LRP1B: variants seen among roughly 807,000 people sequenced by gnomAD.
LRP1B encodes low-density lipoprotein receptor-related protein 1B.
LRP1B carries 217 observed loss-of-function variants against 556.6 expected under a neutral mutation model. That is an observed-to-expected ratio of 0.39 (90% CI 0.35 to 0.44). The LOEUF (loss-of-function observed/expected upper bound fraction) is 0.44, where lower values mean the gene tolerates loss of function less well. Among genes scored for constraint, LRP1B ranks in the 20% least tolerant of loss-of-function variants. The pLI, the probability that LRP1B is intolerant of heterozygous loss-of-function variation, is 1.00. For missense variants in LRP1B, 5,053 were observed against 5,620.8 expected, an observed-to-expected ratio of 0.90 and a Z score of 3.23; for synonymous variants, 2,047 against 1,865.8, an observed-to-expected ratio of 1.10 and a Z score of -2.50.
In LRP1B at chr2:140,700,410, C is replaced by T. The variant is rs143179717; in HGVS notation, c.6639G>A (p.Arg2213=). ...TGAAATAACGTGGATTCTCATATGG[C>T]CTTATTGGGGAATTTAAATTGGTTT... The part of the protein sequence containing the change: ...SDETNLNSPI[R]PYENPRYFKN... The change falls in exon 41 of 91, where the codon AGG becomes AGA. Residue 2213 remains arginine, a synonymous_variant. Coordinates refer to ENST00000389484, the MANE Select transcript of LRP1B (RefSeq NM_018557.3). 4.4e-4 allele frequency: 716 copies of T among 1,613,212 alleles called. No individual in the cohort carries two copies. The highest frequency in any genetic ancestry group is 5.8e-4 in the Non-Finnish European group (685 of 1,179,580).
At chr2:141,141,519 A>C (rs1257129578) in intron 7 of LRP1B, among the ~76,000 whole-genome samples, 1 of 152,190 alleles carries the variant, frequency 6.6e-6, no homozygotes, top group Non-Finnish European at 1.5e-5. Context: ...CACTTACTTT[A>C]CTGACAAGAT....
chr2:141,655,947 C>T (rs1180552864), intron 2 of LRP1B, among the ~76,000 whole-genome samples: 1 of 152,060 alleles, frequency 6.6e-6, no homozygotes, highest in Non-Finnish European at 1.5e-5. Context: ...TGAAACACTT[C>T]CATGGAACTT....
chr2:140,982,075 T>C, intron 18 of LRP1B, 85 bp downstream of exon 18: 2 of 1,074,970 alleles, frequency 1.9e-6, no homozygotes, highest in Non-Finnish European at 2.8e-6. Flanking sequence ...CATAAAGAAA[T>C]AAATAGCCCT....
intron 41 of LRP1B, among the ~76,000 whole-genome samples, chr2:140,675,378 T>C (rs1297200876): frequency 6.6e-6 from 1 of 152,210 alleles, no homozygotes; most frequent in Non-Finnish European, 1.5e-5. Context: ...GCATTTTAAG[T>C]TAATTTATGC....
At chr2:140,523,299 A>G (rs1690262929) in intron 49 of LRP1B, among the ~76,000 whole-genome samples, 1 of 151,964 alleles carries the variant, frequency 6.6e-6, no homozygotes, top group African/African-American at 2.4e-5. Context: ...AACCCATGTG[A>G]TCATCTCAAT....
intron 1 of LRP1B, among the ~76,000 whole-genome samples, chr2:141,996,720 C>T (rs1702502427): frequency 6.7e-6 from 1 of 149,942 alleles, no homozygotes; most frequent in Non-Finnish European, 1.5e-5. Flanking sequence ...CTTTCCCCCC[C>T]CCTACAAACT....
chr2:140,623,956 G>GTGTATATATATATATATA (rs1339496296), intron 41 of LRP1B, among the ~76,000 whole-genome samples: 41 of 106,432 alleles, frequency 3.9e-4, no homozygotes, highest in African/African-American at 9.2e-4. Context: ...TTTTATTTAT[G>GTGTATATATATATATATA]TATATATATA....
chr2:140,841,107 AGAG>A lies in LRP1B; in HGVS notation c.4940-18_4940-16del. ...ACTCTGAATATCTATAAAACAGGAA[AGAG>A]AAGATTTAAAGGTGAATGAAGTTTT... On this transcript the variant is annotated splice_polypyrimidine_tract_variant and intron_variant, in intron 29 of 90. Coordinates refer to ENST00000389484, the MANE Select transcript of LRP1B (RefSeq NM_018557.3). 1 of 1,572,340 alleles carries A rather than the reference AGAG, an allele frequency of 6.4e-7. No homozygotes were observed. The highest frequency in any genetic ancestry group is 8.7e-7 in the Non-Finnish European group (1 of 1,154,748).
intron 20 of LRP1B, among the ~76,000 whole-genome samples, chr2:140,948,474 C>T (rs934893029): frequency 1.3e-5 from 2 of 151,956 alleles, no homozygotes; most frequent in Non-Finnish European, 2.9e-5. Context: ...GAAATGGACA[C>T]AATAATGAGC....
rs548285419 is a variant in LRP1B at position 141,259,503 on chromosome 2, C to A, written c.344-4862G>T. On this transcript the variant is annotated intron_variant, in intron 3 of 90. Transcript: ENST00000389484. The stretch of plus-strand genomic sequence containing the variant: ...CCACTCCTTGACCTGATGCTTACAG[C>A]ATCCTGACAATCTTCTCCTCTCTGT... Among the ~76,000 whole-genome samples the A allele has an allele frequency of 2.0e-5, 3 of 152,294 alleles. No individual in the cohort carries two copies. The South Asian group carries it at 6.2e-4, about 32-fold the overall frequency.
At chr2:140,316,992 A>C (rs1329069094) in intron 82 of LRP1B, among the ~76,000 whole-genome samples, 1 of 152,090 alleles carries the variant, frequency 6.6e-6, no homozygotes, top group Non-Finnish European at 1.5e-5. Context: ...CCGAGTGCCC[A>C]GAAGGTTTAC....
intron 86 of LRP1B, among the ~76,000 whole-genome samples, chr2:140,270,009 T>C (rs780974224): frequency 6.6e-6 from 1 of 151,966 alleles, no homozygotes. Context: ...GGTCTATGCA[T>C]GTCTGAAATG....
intron 7 of LRP1B, among the ~76,000 whole-genome samples, chr2:141,076,169 A>G (rs576732362): frequency 1.4e-4 from 22 of 152,280 alleles, no homozygotes; most frequent in African/African-American, 5.3e-4. Context: ...ATCAACCTCA[A>G]GTTAAGTGTT....
intron 43 of LRP1B, among the ~76,000 whole-genome samples, chr2:140,563,323 C>T (rs1681004346): frequency 1.3e-5 from 2 of 152,030 alleles, no homozygotes; most frequent in South Asian, 2.1e-4. Context: ...CTGAATAGTG[C>T]CATGAAATAA....
intron 2 of LRP1B, among the ~76,000 whole-genome samples, chr2:141,721,939 A>AACCCC (rs1692831734): frequency 6.6e-6 from 1 of 152,184 alleles, no homozygotes; most frequent in African/African-American, 2.4e-5. Context: ...AGTAGGTTAA[A>AACCCC]ACCCCATAGA....
At chr2:141,715,631 A>T (rs1305428326) in intron 2 of LRP1B, among the ~76,000 whole-genome samples, 2 of 152,082 alleles carry the variant, frequency 1.3e-5, no homozygotes, top group African/African-American at 4.8e-5. Flanking sequence ...CCTGACCAAC[A>T]TGGTGAAACC....
chr2:141,329,454 C>T (rs1194509355), intron 3 of LRP1B, among the ~76,000 whole-genome samples: 1 of 150,578 alleles, frequency 6.6e-6, no homozygotes, highest in African/African-American at 2.4e-5. Flanking sequence ...ACCATCCTGG[C>T]CAACACAGTG....
At chr2:141,526,694 T>A (rs1467953789) in intron 2 of LRP1B, among the ~76,000 whole-genome samples, 1 of 152,042 alleles carries the variant, frequency 6.6e-6, no homozygotes, top group Non-Finnish European at 1.5e-5. Context: ...GGAGTATTTT[T>A]TTCAAGGACC....
intron 7 of LRP1B, among the ~76,000 whole-genome samples, chr2:141,173,323 A>G (rs560460091): frequency 6.6e-6 from 1 of 152,200 alleles, no homozygotes; most frequent in South Asian, 2.1e-4. Flanking sequence ...TTTCTCTTCC[A>G]TCCTCACATA....
Sources: allele counts gnomAD v4.1 joint callset (sites outside exome capture counted in the v4.1 genomes callset), GRCh38; gene constraint gnomAD v4.1.1; transcripts MANE v1.5; gene names NCBI Gene and HGNC (gene_info 2026-07-23, HGNC 2026-07-21).